Variants in MLLT3 observed in about 807,000 individuals in gnomAD.
MLLT3 encodes the protein protein AF-9.
A neutral mutation model predicts 53.2 loss-of-function variants in MLLT3; 4 were observed. The observed-to-expected ratio is 0.08, with a 90% CI of 0.04 to 0.17. The LOEUF is 0.17. Ranked by LOEUF, MLLT3 falls within the 10% of genes least tolerant of loss-of-function variation. MLLT3 has a pLI of 1.00. For synonymous variants in MLLT3, 283 were observed against 230.6 expected, an observed-to-expected ratio of 1.23 and a Z score of -2.06; for missense variants, 569 against 684.0, an observed-to-expected ratio of 0.83 and a Z score of 1.87.
At chr9:20,593,760 C>T (rs1391607369) in intron 2 of MLLT3, among the ~76,000 whole-genome samples, 2 of 152,088 alleles carry the variant, frequency 1.3e-5, no homozygotes, top group Non-Finnish European at 2.9e-5. Flanking sequence ...ATTCTGGGCA[C>T]GTACTGGAAT....
chr9:20,594,195 C>A, intron 2 of MLLT3, among the ~76,000 whole-genome samples: 1 of 152,116 alleles, frequency 6.6e-6, no homozygotes, highest in Non-Finnish European at 1.5e-5. Flanking sequence ...CCTACCTCGG[C>A]CTCCCAAAGT....
chr9:20,524,528 T>TTA (rs1554634721), intron 2 of MLLT3, among the ~76,000 whole-genome samples: 2 of 151,764 alleles, frequency 1.3e-5, no homozygotes, highest in African/African-American at 4.8e-5. Context: ...TAACTTTTTT[T>TTA]AAAAAAAATG....
chr9:20,415,179 A>G (rs1158661416), intron 4 of MLLT3, among the ~76,000 whole-genome samples: 1 of 152,214 alleles, frequency 6.6e-6, no homozygotes, highest in South Asian at 2.1e-4. Flanking sequence ...ATGCTGTATA[A>G]AATTTCATCA....
At chr9:20,451,205 T>C (rs1823830840) in intron 3 of MLLT3, among the ~76,000 whole-genome samples, 1 of 152,200 alleles carries the variant, frequency 6.6e-6, no homozygotes, top group South Asian at 2.1e-4. Context: ...ACACACATTT[T>C]ATCTATGCAA....
intron 2 of MLLT3, among the ~76,000 whole-genome samples, chr9:20,545,851 T>G (rs1203903205): frequency 2.8e-5 from 3 of 105,516 alleles, no homozygotes; most frequent in African/African-American, 1.0e-4. Context: ...AGACCCAGTC[T>G]CTACCAAAAA....
intron 7 of MLLT3, among the ~76,000 whole-genome samples, chr9:20,361,369 G>A (rs1454770056): frequency 6.6e-6 from 1 of 152,166 alleles, no homozygotes. Flanking sequence ...CGCTGCAGGG[G>A]AAGAAGCAAC....
intron 2 of MLLT3, among the ~76,000 whole-genome samples, chr9:20,590,906 AT>A (rs34138837): frequency 0.43 from 64,395 of 148,456 alleles, 14,151 homozygotes; most frequent in Middle Eastern, 0.51. Flanking sequence ...TACTTAGCTA[AT>A]TTTTTTTTTT....
chr9:20,346,682 G>A (rs993543507), intron 10 of MLLT3, 108 bp from the exon 11 acceptor site: 32 of 1,062,608 alleles, frequency 3.0e-5, no homozygotes, highest in Admixed American at 7.5e-5. Context: ...ATAAATATTC[G>A]TATTTATAGC....
chr9:20,494,415 G>T (rs1183138357), intron 2 of MLLT3, among the ~76,000 whole-genome samples: 2 of 151,998 alleles, frequency 1.3e-5, no homozygotes, highest in Non-Finnish European at 2.9e-5. Context: ...ACTATAAAGG[G>T]TCAACTTAAA....
At chr9:20,593,197 A>G (rs191688127) in intron 2 of MLLT3, among the ~76,000 whole-genome samples, 1 of 152,368 alleles carries the variant, frequency 6.6e-6, no homozygotes, top group East Asian at 1.9e-4. Flanking sequence ...AAATGGCCAT[A>G]AACGTCTGAC....
intron 2 of MLLT3, among the ~76,000 whole-genome samples, chr9:20,586,246 G>C (rs1243447978): frequency 6.6e-6 from 1 of 151,992 alleles, no homozygotes; most frequent in Non-Finnish European, 1.5e-5. Context: ...TTTGAGCCCA[G>C]ATGGTCAAGG....
At chr9:20,380,495 G>C (rs1242662979) in intron 5 of MLLT3, among the ~76,000 whole-genome samples, 2 of 151,966 alleles carry the variant, frequency 1.3e-5, no homozygotes, top group Non-Finnish European at 2.9e-5. Context: ...ATTCCTACTT[G>C]TGGAATCATT....
chr9:20,345,465 G>GTTTT lies in MLLT3; in HGVS notation c.*974_*977dup, dbSNP rs35087066. On this transcript the variant is annotated 3_prime_UTR_variant, in exon 11 of 11. Coordinates refer to ENST00000380338, the MANE Select transcript of MLLT3 (RefSeq NM_004529.4). ...ATCCAAATTAAGAATTTCTACAACA[G>GTTTT]TTTTTTTTTTTAGAAAACAGGACCA... 3.7e-5 allele frequency: 7 copies of GTTTT among 189,284 alleles called. No homozygotes were observed. The East Asian group carries it at 6.1e-4, about 16-fold the overall frequency. The allele number at this position is 189,284 out of a possible 1,614,324, so 11.7% of individuals were successfully genotyped here. A position where few individuals can be genotyped will look rare whatever the true frequency, so the allele number is the denominator to read the frequency against.
intron 2 of MLLT3, among the ~76,000 whole-genome samples, chr9:20,506,808 T>C (rs1325259460): frequency 6.6e-6 from 1 of 152,220 alleles, no homozygotes; most frequent in African/African-American, 2.4e-5. Flanking sequence ...AGTCAGCATA[T>C]GGCAAGCATA....
chr9:20,622,309 C>A lies in MLLT3; in HGVS notation c.-53G>T. On this transcript the variant is annotated 5_prime_UTR_variant, in exon 1 of 11. Transcript: ENST00000380338. ...TGTTGTGTGGTACCCCCCCCTCCTC[C>A]GCCCCCCCTCAGCTGTAATTCATGA... 1 of 1,474,014 alleles carries A rather than the reference C, an allele frequency of 6.8e-7. No homozygotes were observed. Among genetic ancestry groups the A allele is most frequent in the Non-Finnish European group, 9.1e-7 (1 of 1,096,062 alleles). 91.3% of individuals were successfully genotyped at this position (1,474,014 alleles called of 1,614,324 possible).
chr9:20,587,460 C>T lies in MLLT3; in HGVS notation c.193+33194G>A, dbSNP rs185849611. Among the ~76,000 whole-genome samples, 426 of 152,148 alleles carry T rather than the reference C, an allele frequency of 2.8e-3. 3 individuals are homozygous for T. The highest frequency in any genetic ancestry group is 4.6e-3 in the Admixed American group (70 of 15,280). On this transcript the variant is annotated intron_variant, in intron 2 of 10. Transcript: ENST00000380338. The stretch of plus-strand genomic sequence containing the variant: ...AGAGCCAAAACTCAAACCAAGGACT[C>T]CCACCTCCAAGACAAGAGAGGGGCC...
chr9:20,475,846 G>A (rs1231929319), intron 2 of MLLT3, among the ~76,000 whole-genome samples: 1 of 152,070 alleles, frequency 6.6e-6, no homozygotes, highest in Non-Finnish European at 1.5e-5. Flanking sequence ...ATTTCAATAG[G>A]TTGAAGGGAG....
At chr9:20,509,925 T>C (rs1031711138) in intron 2 of MLLT3, among the ~76,000 whole-genome samples, 3 of 152,130 alleles carry the variant, frequency 2.0e-5, no homozygotes, top group African/African-American at 4.8e-5. Flanking sequence ...GGCAGGCCAG[T>C]TGGCTTCCTG....
chr9:20,349,135 A>C (rs1394752593), intron 10 of MLLT3, among the ~76,000 whole-genome samples: 2 of 152,214 alleles, frequency 1.3e-5, no homozygotes, highest in African/African-American at 4.8e-5. Flanking sequence ...CAAAGCATTC[A>C]GAATAGAGTT....
Sources: allele counts gnomAD v4.1 joint callset (sites outside exome capture counted in the v4.1 genomes callset), GRCh38; gene constraint gnomAD v4.1.1; transcripts MANE v1.5; gene names NCBI Gene and HGNC (gene_info 2026-07-23, HGNC 2026-07-21).